TTLL12: variants seen among roughly 807,000 people sequenced by gnomAD.
TTLL12 encodes tubulin tyrosine ligase like 12, also known as tubulin--tyrosine ligase-like protein 12.
Under a neutral mutation model 79.6 loss-of-function variants are expected in TTLL12, and 77 were observed. The ratio of observed to expected loss-of-function variants is 0.97; its 90% CI spans 0.81 to 1.17. The LOEUF (loss-of-function observed/expected upper bound fraction) is 1.17, where lower values mean the gene tolerates loss of function less well. Ranked by LOEUF, TTLL12 falls within the 50% of genes most tolerant of loss-of-function variation. The pLI is 0.00. For synonymous variants in TTLL12, 437 were observed against 376.1 expected, an observed-to-expected ratio of 1.16 and a Z score of -1.87; for missense variants, 969 against 895.9, an observed-to-expected ratio of 1.08 and a Z score of -1.04.
At chr22:43,178,333 T>C (rs1401241132) in intron 5 of TTLL12, among the ~76,000 whole-genome samples, 1 of 151,198 alleles carries the variant, frequency 6.6e-6, no homozygotes, top group Non-Finnish European at 1.5e-5. Flanking sequence ...ATTTTTTTTT[T>C]TTTTTTGAGA....
intron 5 of TTLL12, among the ~76,000 whole-genome samples, chr22:43,176,612 T>A (rs1475938796): frequency 4.0e-5 from 6 of 150,538 alleles, no homozygotes; most frequent in Non-Finnish European, 8.8e-5. Context: ...TGCCTGTAAT[T>A]CCAGCTACTC....
intron 11 of TTLL12, 119 bp downstream of exon 11, chr22:43,171,700 G>A (rs1931768941): frequency 5.4e-6 from 4 of 747,324 alleles, no homozygotes; most frequent in Non-Finnish European, 8.9e-6. Flanking sequence ...AGGAACTCAG[G>A]AGGCGGCTCC....
At chr22:43,178,617 A>T (rs1442162054) in intron 5 of TTLL12, among the ~76,000 whole-genome samples, 1 of 152,106 alleles carries the variant, frequency 6.6e-6, no homozygotes, top group Non-Finnish European at 1.5e-5. Flanking sequence ...CCCCACGCCC[A>T]GCCTCCACGC....
chr22:43,178,659 C>T lies in TTLL12; in HGVS notation c.840+960G>A, dbSNP rs535053161. Among the ~76,000 whole-genome samples, 11 of 152,258 alleles carry T rather than the reference C, an allele frequency of 7.2e-5. 2 individuals are homozygous for T. In the South Asian group the frequency reaches 2.3e-3, roughly 32 times the overall value. ...TCTCACATGGGTCAACTCGTCTAACCCTTCCCGAAACCCTCCGAGGCACTT... is the reference window on the plus strand; with the variant it reads ...TCTCACATGGGTCAACTCGTCTAACTCTTCCCGAAACCCTCCGAGGCACTT... On this transcript the variant is annotated intron_variant, in intron 5 of 13. Coordinates refer to ENST00000216129, the MANE Select transcript of TTLL12 (RefSeq NM_015140.4).
Position 43,167,903 on chromosome 22 carries a change from G to A in TTLL12, c.*105C>T, listed in dbSNP as rs1472037626. On this transcript the variant is annotated 3_prime_UTR_variant, in exon 14 of 14. Coordinates refer to ENST00000216129, the MANE Select transcript of TTLL12 (RefSeq NM_015140.4). ...GACAGAGGCCTGGGGCTGAGGCTAT[G>A]CCCAGGGCCGGTGTGGGGAGGGACA... is the stretch of plus-strand genomic sequence containing the variant. 11 of 1,442,110 alleles carry A rather than the reference G, an allele frequency of 7.6e-6. No individual in the cohort carries two copies. The highest frequency in any genetic ancestry group is 1.0e-5 in the Non-Finnish European group (11 of 1,054,632). 89.3% of individuals were successfully genotyped at this position (1,442,110 alleles called of 1,614,324 possible). A position where few individuals can be genotyped will look rare whatever the true frequency, so the allele number is the denominator to read the frequency against.
chr22:43,168,831 A>T lies in TTLL12; in HGVS notation c.1726T>A (p.Ser576Thr), dbSNP rs1931686509. Residue 576 changes from serine (S) to threonine (T), a missense_variant, in exon 13 of 14, where the codon TCA becomes ACA. Transcript: ENST00000216129. ...TCGACGGCATACATGGCCCGGGATG[A>T]GGGGTAGTCGCAGAGGCCCAGGGGT... ...PPPLGLCDYP[S>T]SRAMYAVDLM... 1 of 1,598,024 alleles carries T rather than the reference A, an allele frequency of 6.3e-7. No homozygotes were observed. The highest frequency in any genetic ancestry group is 8.5e-7 in the Non-Finnish European group (1 of 1,172,908).
At chr22:43,186,067 G>T (rs1022576157) in intron 1 of TTLL12, 30 of 967,610 alleles carry the variant, frequency 3.1e-5, no homozygotes, top group Non-Finnish European at 3.7e-5. Flanking sequence ...GGGACTCCTA[G>T]TTCCCGGCCC....
Position 43,167,747 on chromosome 22 carries a change from T to G in TTLL12, c.*261A>C. The G allele has an allele frequency of 2.5e-6, 1 of 397,652 alleles. No individual in the cohort carries two copies. Among genetic ancestry groups the G allele is most frequent in the South Asian group, 3.9e-5 (1 of 25,538 alleles). The allele number at this position is 397,652 out of a possible 1,614,324, so 24.6% of individuals were successfully genotyped here. On this transcript the variant is annotated 3_prime_UTR_variant, in exon 14 of 14. Coordinates refer to ENST00000216129, the MANE Select transcript of TTLL12 (RefSeq NM_015140.4). ...TGGAGACTCATCAGTGCACAGATGGTGGTGAGGGGTGAGGGCAGGGCGTGG... is the reference window on the plus strand; with the variant it reads ...TGGAGACTCATCAGTGCACAGATGGGGGTGAGGGGTGAGGGCAGGGCGTGG...
At chr22:43,173,977 C>A (rs113341801) in intron 8 of TTLL12, 151 bp from the exon 9 acceptor site, 2 of 934,016 alleles carry the variant, frequency 2.1e-6, no homozygotes, top group Non-Finnish European at 3.2e-6. Flanking sequence ...GCATGGGAAA[C>A]AAGGAGGGGT....
chr22:43,182,958 G>T (rs761086902), intron 2 of TTLL12, 22 bp downstream of exon 2: 1 of 1,607,150 alleles, frequency 6.2e-7, no homozygotes. Flanking sequence ...GGTTGTGGTG[G>T]TGTCTCTGGC....
intron 9 of TTLL12, 121 bp from the exon 10 acceptor site, chr22:43,172,675 C>A: frequency 4.8e-6 from 5 of 1,048,914 alleles, no homozygotes; most frequent in Non-Finnish European, 6.9e-6. Flanking sequence ...TCTGCCTTTT[C>A]AAACCTGCCT....
rs1398700486 is a variant in TTLL12 at position 43,169,514 on chromosome 22, AG to A, written c.1629del (p.Trp544GlyfsTer44). On this transcript the variant is annotated frameshift_variant, in exon 12 of 14. Transcript: ENST00000216129. LOFTEE classifies it high-confidence loss of function. ...ACAGGAATTACCTGGACGTCCGTCC[AG>A]GGAAATTCTGGGTATTGCTTCTCAA... ...PEFEKQYPEFPWTDVQAEIFR... is the reference protein window; with the variant it reads ...PEFEKQYPEFXWTDVQAEIFR... 6 of 1,604,520 alleles carry A rather than the reference AG, an allele frequency of 3.7e-6. No individual in the cohort carries two copies. The highest frequency in any genetic ancestry group is 5.1e-6 in the Non-Finnish European group (6 of 1,174,264).
chr22:43,185,740 G>A (rs1932168293), intron 1 of TTLL12, among the ~76,000 whole-genome samples: 2 of 152,232 alleles, frequency 1.3e-5, no homozygotes, highest in South Asian at 4.1e-4. Context: ...GACCGCCCGA[G>A]GGAGGGCGTG....
intron 9 of TTLL12, among the ~76,000 whole-genome samples, chr22:43,172,817 C>G (rs572918060): frequency 3.9e-5 from 6 of 152,096 alleles, no homozygotes; most frequent in Admixed American, 3.9e-4. Flanking sequence ...CCTGCCTCAG[C>G]CTCCTGAGTA....
intron 10 of TTLL12, 49 bp downstream of exon 10, chr22:43,172,353 AC>A: frequency 6.2e-7 from 1 of 1,600,888 alleles, no homozygotes; most frequent in East Asian, 2.2e-5. Context: ...CGCTACCTCC[AC>A]CCGGTCACCC....
At chr22:43,171,038 C>G (rs910076705) in intron 11 of TTLL12, among the ~76,000 whole-genome samples, 2 of 152,182 alleles carry the variant, frequency 1.3e-5, no homozygotes, top group Non-Finnish European at 2.9e-5. Flanking sequence ...GTTCAGGGGT[C>G]GGGGAGCGTT....
chr22:43,186,860 G>GCCGCCGCACGTGC (rs1312316111), intron 1 of TTLL12, 33 bp downstream of exon 1: 2 of 1,249,520 alleles, frequency 1.6e-6, no homozygotes, highest in Non-Finnish European at 2.0e-6. Context: ...TCCCACCCCG[G>GCCGCCGCACGTGC]CCGCCGCACG....
At position 43,185,373 on chromosome 22, in the gene TTLL12, G is replaced by C. The variant is rs934284506; in HGVS notation, c.177+1520C>G. On this transcript the variant is annotated intron_variant, in intron 1 of 13. Coordinates refer to ENST00000216129, the MANE Select transcript of TTLL12 (RefSeq NM_015140.4). ...GGTGAGGCAGGAGGGCTGATGGCCAGGGGTGTAAGGGCCCACAGCGCTGGC... is the reference window on the plus strand; with the variant it reads ...GGTGAGGCAGGAGGGCTGATGGCCACGGGTGTAAGGGCCCACAGCGCTGGC... Among the ~76,000 whole-genome samples, 7 of 150,476 alleles carry C rather than the reference G, an allele frequency of 4.7e-5. No homozygotes were observed. The South Asian group carries it at 8.4e-4, about 18-fold the overall frequency.
intron 10 of TTLL12, 113 bp downstream of exon 10, chr22:43,172,290 G>T: frequency 7.5e-7 from 1 of 1,332,864 alleles, no homozygotes; most frequent in Non-Finnish European, 1.0e-6. Flanking sequence ...GTGAGTGATG[G>T]AGGGTGCCTT....
Sources: gnomAD v4.1 joint callset for allele counts (sites outside exome capture counted in the v4.1 genomes callset) on GRCh38, gnomAD v4.1.1 for gene constraint, MANE v1.5 for transcripts, NCBI Gene and HGNC (gene_info 2026-07-23, HGNC 2026-07-21) for gene names.